PIK3R3: variants seen among roughly 807,000 people sequenced by gnomAD.
The protein encoded by PIK3R3 is phosphoinositide-3-kinase regulatory subunit 3, also known as phosphatidylinositol 3-kinase regulatory subunit gamma.
In PIK3R3, 64 loss-of-function variants were observed where a neutral mutation model predicts 62.9. That is an observed-to-expected ratio of 1.02 (90% CI 0.83 to 1.25). The LOEUF (loss-of-function observed/expected upper bound fraction) is 1.25. PIK3R3 is among the 50% of genes most tolerant of loss of function. PIK3R3 has a pLI of 0.00. For synonymous variants in PIK3R3, 165 were observed against 189.0 expected, an observed-to-expected ratio of 0.87 and a Z score of 1.04; for missense variants, 614 against 561.6, an observed-to-expected ratio of 1.09 and a Z score of -0.94.
chr1:46,063,602 T>C (rs1648719560), intron 5 of PIK3R3, among the ~76,000 whole-genome samples: 1 of 152,170 alleles, frequency 6.6e-6, no homozygotes, highest in Non-Finnish European at 1.5e-5. Flanking sequence ...GAAAAGTATT[T>C]GATATCACTA....
At chr1:46,117,024 T>C (rs1434367287) in intron 1 of PIK3R3, among the ~76,000 whole-genome samples, 5 of 152,154 alleles carry the variant, frequency 3.3e-5, no homozygotes, top group Non-Finnish European at 5.9e-5. Context: ...CTTCAGCACA[T>C]AAAGTAAAAT....
At chr1:46,113,368 T>C (rs1490442658) in intron 1 of PIK3R3, among the ~76,000 whole-genome samples, 1 of 149,628 alleles carries the variant, frequency 6.7e-6, no homozygotes, top group Non-Finnish European at 1.5e-5. Flanking sequence ...GACCCAATCA[T>C]AGTTCACTGC....
chr1:46,109,858 T>A (rs1220126284), intron 1 of PIK3R3, among the ~76,000 whole-genome samples: 2 of 152,292 alleles, frequency 1.3e-5, no homozygotes, highest in East Asian at 3.9e-4. Flanking sequence ...GCACACTATG[T>A]TTCAAGAGTT....
Position 46,043,383 on chromosome 1 carries a change from G to C in PIK3R3, c.*290C>G. 2.2e-6 allele frequency: 1 copy of C among 445,042 alleles called. No homozygotes were observed. The highest frequency in any genetic ancestry group is 4.2e-6 in the Non-Finnish European group (1 of 239,352). 27.6% of individuals were successfully genotyped at this position (445,042 alleles called of 1,614,324 possible). A position where few individuals can be genotyped will look rare whatever the true frequency, so the allele number is the denominator to read the frequency against. ...CTATAACCATCAAGCCTAATATTCT[G>C]TTGAGGGTGTCTGGCTAAACAAAAC... On this transcript the variant is annotated 3_prime_UTR_variant, in exon 10 of 10. Coordinates refer to ENST00000262741, the MANE Select transcript of PIK3R3 (RefSeq NM_003629.4).
intron 1 of PIK3R3, among the ~76,000 whole-genome samples, chr1:46,115,985 T>C (rs578039894): frequency 6.6e-6 from 1 of 152,234 alleles, no homozygotes; most frequent in South Asian, 2.1e-4. Flanking sequence ...CAAGTTGTCA[T>C]GAGTTGGTAA....
At chr1:46,130,015 T>C (rs2149479104) in intron 1 of PIK3R3, among the ~76,000 whole-genome samples, 1 of 152,322 alleles carries the variant, frequency 6.6e-6, no homozygotes, top group South Asian at 2.1e-4. Flanking sequence ...CGTCTCCATA[T>C]AGTTATAACA....
chr1:46,133,197 G>A (rs1655778296), upstream of PIK3R3, among the ~76,000 whole-genome samples: 1 of 152,204 alleles, frequency 6.6e-6, no homozygotes, highest in Admixed American at 6.5e-5. Context: ...GGCAGAAGGG[G>A]AAAAGAAAAG....
intron 1 of PIK3R3, among the ~76,000 whole-genome samples, chr1:46,105,675 G>A (rs1653133164): frequency 6.6e-6 from 1 of 151,750 alleles, no homozygotes; most frequent in African/African-American, 2.4e-5. Flanking sequence ...AGAAAAATCA[G>A]TAGGGTGTGG....
the PIK3R3 span, among the ~76,000 whole-genome samples, chr1:46,139,345 G>A: frequency 2.0e-5 from 3 of 150,640 alleles, no homozygotes; most frequent in African/African-American, 7.3e-5. Context: ...CACTCTTGCT[G>A]CCCAGGCTGG....
intron 7 of PIK3R3, among the ~76,000 whole-genome samples, chr1:46,047,566 C>T (rs542200316): frequency 1.4e-4 from 22 of 152,074 alleles, no homozygotes; most frequent in South Asian, 1.2e-3. Flanking sequence ...TAGTCTAAAA[C>T]TAGAGTGGAG....
chr1:46,066,853 A>G, intron 4 of PIK3R3, 58 bp downstream of exon 4: 2 of 1,298,156 alleles, frequency 1.5e-6, no homozygotes, highest in Non-Finnish European at 1.1e-6. Context: ...AATAAAATCA[A>G]ATAAGGCTGT....
chr1:46,096,945 G>A (rs1352265676), intron 1 of PIK3R3, among the ~76,000 whole-genome samples: 13 of 150,900 alleles, frequency 8.6e-5, no homozygotes, highest in Non-Finnish European at 1.8e-4. Context: ...CATTCTGTGA[G>A]GCCAGTCTTC....
intron 1 of PIK3R3, among the ~76,000 whole-genome samples, chr1:46,117,745 C>CGAAA (rs547538635): frequency 5.3e-4 from 75 of 142,192 alleles, no homozygotes; most frequent in Admixed American, 3.0e-3. Context: ...AAACCTGTCT[C>CGAAA]GAAAGAAAGA....
At chr1:46,136,712 C>T (rs1389912461), upstream of PIK3R3, among the ~76,000 whole-genome samples, 3 of 152,012 alleles carry the variant, frequency 2.0e-5, no homozygotes, top group Non-Finnish European at 4.4e-5. Flanking sequence ...CTGCCTCACT[C>T]TTCCCACTTT....
chr1:46,125,433 G>A (rs1412737756), intron 1 of PIK3R3, among the ~76,000 whole-genome samples: 1 of 151,854 alleles, frequency 6.6e-6, no homozygotes, highest in East Asian at 1.9e-4. Flanking sequence ...AAATGTGCAG[G>A]GTTAAAAATA....
upstream of PIK3R3, chr1:46,134,644 A>G (rs560798995): frequency 5.3e-5 from 8 of 152,344 alleles, no homozygotes; most frequent in Non-Finnish European, 1.0e-4. Flanking sequence ...AGACAGAACA[A>G]TCAGTCAAGG....
chr1:46,165,375 G>A, the PIK3R3 span, among the ~76,000 whole-genome samples: 1 of 145,134 alleles, frequency 6.9e-6, no homozygotes, highest in African/African-American at 2.6e-5. Context: ...GTGTGATCTC[G>A]GCTCACCACA....
At chr1:46,081,305 C>A (rs1275086222) in intron 1 of PIK3R3, among the ~76,000 whole-genome samples, 1 of 152,132 alleles carries the variant, frequency 6.6e-6, no homozygotes, top group Non-Finnish European at 1.5e-5. Context: ...AATGTCTATA[C>A]ACAGAATACA....
chr1:46,121,480 A>G (rs959365859), intron 1 of PIK3R3, among the ~76,000 whole-genome samples: 2 of 152,102 alleles, frequency 1.3e-5, no homozygotes, highest in Non-Finnish European at 2.9e-5. Context: ...TTGATTCATA[A>G]TTGAATTTTT....
Sources: allele counts gnomAD v4.1 joint callset (sites outside exome capture counted in the v4.1 genomes callset), GRCh38; gene constraint gnomAD v4.1.1; transcripts MANE v1.5; gene names NCBI Gene and HGNC (gene_info 2026-07-23, HGNC 2026-07-21).